DST: variants seen among roughly 807,000 people sequenced by gnomAD.
DST encodes the protein bullous pemphigoid antigen.
In DST, 253 loss-of-function variants were observed where a neutral mutation model predicts 875.2. The observed-to-expected ratio is 0.29, with a 90% CI of 0.26 to 0.32. The LOEUF (loss-of-function observed/expected upper bound fraction) is 0.32. Ranked by LOEUF, DST falls within the 10% of genes least tolerant of loss-of-function variation. The pLI is 1.00. For synonymous variants in DST, 3,124 were observed against 3,197.1 expected, an observed-to-expected ratio of 0.98 and a Z score of 0.77; for missense variants, 8,287 against 9,111.6, an observed-to-expected ratio of 0.91 and a Z score of 3.68.
In DST at chr6:56,851,434, C is replaced by T. The variant is rs775290270; in HGVS notation, c.588G>A (p.Val196=). 3.5e-5 allele frequency: 57 copies of T among 1,613,668 alleles called. No individual in the cohort carries two copies. In the Middle Eastern group the frequency reaches 1.0e-3, roughly 29 times the overall value. The part of the protein sequence containing the change: ...RSKRKIQGGS[V]LDPAERAVLR... ...GCACTGCCCTCTCGGCAGGGTCCAG[C>T]ACTGAGCCCCCTTGAATCTTTCTTT... is the stretch of plus-strand genomic sequence containing the variant. The change falls in exon 4 of 104, where the codon GTG becomes GTA. Residue 196 remains valine, a synonymous_variant. Transcript: ENST00000680361.
At chr6:56,696,606 C>T (rs1332009338) in intron 9 of DST, among the ~76,000 whole-genome samples, 1 of 152,134 alleles carries the variant, frequency 6.6e-6, no homozygotes, top group African/African-American at 2.4e-5. Flanking sequence ...AAATACACTG[C>T]TTCTACCTCC....
At chr6:56,871,704 C>A (rs1297873890) in intron 3 of DST, 2 of 642,090 alleles carry the variant, frequency 3.1e-6, no homozygotes, top group South Asian at 1.5e-5. Context: ...AAAGATATCC[C>A]AGAAGAAACT....
chr6:56,784,059 C>G (rs1311372700), intron 4 of DST, among the ~76,000 whole-genome samples: 2 of 152,164 alleles, frequency 1.3e-5, no homozygotes, highest in Non-Finnish European at 2.9e-5. Flanking sequence ...GGCCCCCACT[C>G]TCTTCTGGCT....
At chr6:56,941,488 A>T (rs1359498324) in intron 2 of DST, among the ~76,000 whole-genome samples, 1 of 152,020 alleles carries the variant, frequency 6.6e-6, no homozygotes, top group East Asian at 1.9e-4. Flanking sequence ...ACAAATATTT[A>T]TTTATTCATT....
intron 72 of DST, among the ~76,000 whole-genome samples, chr6:56,512,399 C>A (rs1343705956): frequency 6.6e-6 from 1 of 152,172 alleles, no homozygotes. Context: ...CCAAAGCCAC[C>A]CCCAGGGGGA....
Position 56,552,718 on chromosome 6 carries a change from G to C in DST, c.16074C>G (p.Thr5358=). The change falls in exon 61 of 104, where the codon ACC becomes ACG. Residue 5358 remains threonine, a synonymous_variant. Transcript: ENST00000680361. ...GTSDVLLQVE[T]IAQEHSTLSQ... is the part of the protein sequence containing the mutation. ...TTAGTGTACTATGCTCTTGAGCTATGGTTTCCACTTGTAATAAAACATCAG... is the reference window on the plus strand; with the variant it reads ...TTAGTGTACTATGCTCTTGAGCTATCGTTTCCACTTGTAATAAAACATCAG... The C allele has an allele frequency of 6.2e-7, 1 of 1,612,510 alleles. No individual in the cohort carries two copies.
chr6:56,879,657 A>T (rs990337244), intron 3 of DST, among the ~76,000 whole-genome samples: 5 of 152,182 alleles, frequency 3.3e-5, no homozygotes, highest in Non-Finnish European at 5.9e-5. Context: ...TTCACTCCTT[A>T]ATTAAGTAGT....
rs72488669 is a variant in DST, at chr6:56,779,722, C to CT, written c.626-44434dup. On this transcript the variant is annotated intron_variant, in intron 4 of 103. Coordinates refer to ENST00000680361, the MANE Select transcript of DST (RefSeq NM_001374736.1). ...ATATGTGGCATTAGTCTTCCTTATTCTTTTTTTTTTTTAATATTATACTTT... is the reference window on the plus strand; with the variant it reads ...ATATGTGGCATTAGTCTTCCTTATTCTTTTTTTTTTTTTAATATTATACTTT... Among the ~76,000 whole-genome samples, 562 of 143,042 alleles carry CT rather than the reference C, an allele frequency of 3.9e-3. 6 individuals carry two copies. Among genetic ancestry groups the CT allele is most frequent in the East Asian group, 0.02 (98 of 4,868 alleles). 93.8% of individuals were successfully genotyped at this position (143,042 alleles called of 152,430 possible). A position where few individuals can be genotyped will look rare whatever the true frequency, so the allele number is the denominator to read the frequency against.
chr6:56,670,805 T>G lies in DST; in HGVS notation c.1050A>C (p.Ile350=). The G allele has an allele frequency of 6.3e-7, 1 of 1,583,468 alleles. No individual in the cohort carries two copies. The highest frequency in any genetic ancestry group is 8.6e-7 in the Non-Finnish European group (1 of 1,165,792). The stretch of plus-strand genomic sequence containing the variant: ...ACTCTCCAGTAACATGGATATCAGA[T>G]ATCTAGATATAACAGAAAGTGTTAA... ...LIWTIILHFQ[I]SDIHVTGESE... is the part of the protein sequence containing the mutation. The change falls in exon 10 of 104, where the codon ATA becomes ATC. Residue 350 remains isoleucine, a splice_region_variant and synonymous_variant. Transcript: ENST00000680361.
intron 61 of DST, among the ~76,000 whole-genome samples, chr6:56,546,200 G>T (rs1452044864): frequency 6.6e-6 from 1 of 151,026 alleles, no homozygotes; most frequent in African/African-American, 2.4e-5. Flanking sequence ...ATGAGCACTT[G>T]CTCTTCTTCC....
At chr6:56,827,438 C>T (rs141466465) in intron 4 of DST, among the ~76,000 whole-genome samples, 294 of 136,254 alleles carry the variant, frequency 2.2e-3, no homozygotes, top group African/African-American at 7.5e-3. Flanking sequence ...ACCCAGAAGG[C>T]GGAGGTTGCA....
intron 61 of DST, among the ~76,000 whole-genome samples, chr6:56,549,434 T>C (rs1471597489): frequency 6.6e-6 from 1 of 152,202 alleles, no homozygotes; most frequent in Non-Finnish European, 1.5e-5. Flanking sequence ...CCAAAAATTA[T>C]GTTAAAACTA....
At chr6:56,503,139 C>T (rs781044832) in intron 78 of DST, among the ~76,000 whole-genome samples, 12 of 151,892 alleles carry the variant, frequency 7.9e-5, no homozygotes, top group Non-Finnish European at 1.2e-4. Context: ...ATTAATTACT[C>T]AGAACATTCT....
intron 4 of DST, among the ~76,000 whole-genome samples, chr6:56,770,538 G>A (rs1245879234): frequency 6.6e-6 from 1 of 152,146 alleles, no homozygotes; most frequent in Non-Finnish European, 1.5e-5. Context: ...ATAGAGTTGG[G>A]GGCTCAGGTT....
intron 4 of DST, among the ~76,000 whole-genome samples, chr6:56,831,761 C>T (rs1450677411): frequency 6.6e-6 from 1 of 151,848 alleles, no homozygotes; most frequent in Non-Finnish European, 1.5e-5. Context: ...GGTTCTAAAT[C>T]CTTCATCTCT....
chr6:56,639,078 G>A, intron 22 of DST, 181 bp downstream of exon 22: 2 of 636,460 alleles, frequency 3.1e-6, no homozygotes, highest in Non-Finnish European at 5.6e-6. Context: ...CTAAGTGATG[G>A]GTGACATACT....
intron 87 of DST, among the ~76,000 whole-genome samples, chr6:56,486,042 TGTA>T (rs1468443182): frequency 6.6e-6 from 1 of 152,184 alleles, no homozygotes; most frequent in African/African-American, 2.4e-5. Context: ...GGAAAAGGTA[TGTA>T]ACATGCTGTG....
At chr6:56,769,623 C>CT (rs2099644046) in intron 4 of DST, among the ~76,000 whole-genome samples, 1 of 152,136 alleles carries the variant, frequency 6.6e-6, no homozygotes, top group South Asian at 2.1e-4. Flanking sequence ...CAGGACCAGC[C>CT]TGGGCAACAT....
At chr6:56,475,394 A>AACACACACACAAACACACACACAC (rs1389911774) in intron 92 of DST, among the ~76,000 whole-genome samples, 5 of 144,980 alleles carry the variant, frequency 3.4e-5, no homozygotes, top group African/African-American at 1.3e-4. Context: ...AGGCTTTTAA[A>AACACACACACAAACACACACACAC]ACACACACAC....
Sources: gnomAD v4.1 joint callset for allele counts (sites outside exome capture counted in the v4.1 genomes callset) on GRCh38, gnomAD v4.1.1 for gene constraint, MANE v1.5 for transcripts, NCBI Gene and HGNC (gene_info 2026-07-23, HGNC 2026-07-21) for gene names.